The following FBLN1 variants were observed in gnomAD, a reference collection of about 807,000 sequenced individuals.
FBLN1 encodes the protein fibulin-1.
A neutral mutation model predicts 89.7 loss-of-function variants in FBLN1; 34 were observed. That is an observed-to-expected ratio of 0.38 (90% CI 0.29 to 0.50). The LOEUF (loss-of-function observed/expected upper bound fraction) is 0.50, where lower values mean the gene tolerates loss of function less well. Ranked by LOEUF, FBLN1 falls within the 20% of genes least tolerant of loss-of-function variation. The pLI, the probability that FBLN1 is intolerant of heterozygous loss-of-function variation, is 0.92. For synonymous variants in FBLN1, 393 were observed against 391.3 expected, an observed-to-expected ratio of 1.00 and a Z score of -0.05; for missense variants, 777 against 988.1, an observed-to-expected ratio of 0.79 and a Z score of 2.86.
chr22:45,567,177 C>T (rs878909532), intron 14 of FBLN1, among the ~76,000 whole-genome samples: 1 of 152,236 alleles, frequency 6.6e-6, no homozygotes, highest in Admixed American at 6.5e-5. Flanking sequence ...GAGGCAGCAT[C>T]CCTGGGATGA....
rs770973138 is a variant in FBLN1 at position 45,590,817 on chromosome 22, G to A, written c.1973-9490G>A. 6.6e-6 allele frequency among the ~76,000 whole-genome samples: 1 copy of A among 152,134 alleles called. No individual in the cohort carries two copies. Among genetic ancestry groups the A allele is most frequent in the Non-Finnish European group, 1.5e-5 (1 of 68,014 alleles). ...CCTGCCTGGAGAGTGAGGGGTAGGG[G>A]AGGAAGGGAAGTGGGTTTAAGGGAG... On this transcript the variant is annotated intron_variant, in intron 16 of 16. Transcript: ENST00000327858. This position sits in a 1 kb window ranked among gnomAD's most constrained non-coding sequence, Gnocchi z 4.1.
rs929085 is a variant in FBLN1 at position 45,588,278 on chromosome 22, T to C, written c.1972+11170T>C. Among the ~76,000 whole-genome samples the C allele has an allele frequency of 0.69, 104,857 of 152,050 alleles. 37,178 individuals carry two copies. Among genetic ancestry groups the C allele is most frequent in the African/African-American group, 0.84 (35,005 of 41,480 alleles). On this transcript the variant is annotated intron_variant, in intron 16 of 16. Transcript: ENST00000327858. The surrounding 1 kb of genome is among the most constrained non-coding windows in gnomAD (Gnocchi z 5.1). ...CCAGGCAGAGGGAATGGCAGAGTGC[T>C]GGAGTGGCCATGCCTGGGGAACTCC...
intron 12 of FBLN1, 81 bp from the exon 13 acceptor site, chr22:45,548,532 G>C: frequency 6.3e-7 from 1 of 1,589,674 alleles, no homozygotes; most frequent in Non-Finnish European, 8.6e-7. Flanking sequence ...CCCCAGTGCA[G>C]CCCCCAGGGC....
At position 45,569,297 on chromosome 22, in the gene FBLN1, G is replaced by T. The variant is rs1013207751; in HGVS notation, c.1698-5214G>T. Among the ~76,000 whole-genome samples, 3 of 152,322 alleles carry T rather than the reference G, an allele frequency of 2.0e-5. No homozygotes were observed. The East Asian group carries it at 5.8e-4, about 29-fold the overall frequency. On this transcript the variant is annotated intron_variant, in intron 14 of 16. Coordinates refer to ENST00000327858, the MANE Select transcript of FBLN1 (RefSeq NM_006486.3). ...ATTCAACGAGGTAATTAAGGTAAAAGTGAGATCATATGAATGGGCCCTAAT... is the reference window on the plus strand; with the variant it reads ...ATTCAACGAGGTAATTAAGGTAAAATTGAGATCATATGAATGGGCCCTAAT...
rs1489791020 is a variant in FBLN1, at chr22:45,574,976, G to C, written c.1840+323G>C. Among the ~76,000 whole-genome samples the C allele has an allele frequency of 6.6e-6, 1 of 151,900 alleles. No individual in the cohort carries two copies. Among genetic ancestry groups the C allele is most frequent in the African/African-American group, 2.4e-5 (1 of 41,360 alleles). The stretch of plus-strand genomic sequence containing the variant: ...TTTTTGTATTTTTAGTAAAGACGGG[G>C]TTTCACCGTGTTCGCCAGGATGGTC... On this transcript the variant is annotated intron_variant, in intron 15 of 16. Coordinates refer to ENST00000327858, the MANE Select transcript of FBLN1 (RefSeq NM_006486.3). This position sits in a 1 kb window ranked among gnomAD's most constrained non-coding sequence, Gnocchi z 4.1.
chr22:45,600,275 A>G, intron 16 of FBLN1, 32 bp from the exon 17 acceptor site: 1 of 1,614,094 alleles, frequency 6.2e-7, no homozygotes, highest in Non-Finnish European at 8.5e-7. Context: ...AGTCCCTTCT[A>G]ACTTCCAGCA....
At position 45,600,324 on chromosome 22, in the gene FBLN1, C is replaced by G. The variant is rs748201606; in HGVS notation, c.1990C>G (p.Arg664Gly). ...GMTVGVVRQV[R>G]PIVGPFHAVL... ...CTCCGCAGGTGTCGTGCGCCAGGTG[C>G]GGCCCATCGTGGGCCCATTTCATGC... Residue 664 changes from arginine (R) to glycine (G), a missense_variant, in exon 17 of 17, where the codon CGG becomes GGG. By Grantham distance (125) the Arg-to-Gly change is moderately radical. Transcript: ENST00000327858. The G allele has an allele frequency of 3.7e-6, 6 of 1,614,092 alleles. No homozygotes were observed. The Admixed American group carries it at 5.0e-5, about 13-fold the overall frequency.
At chr22:45,507,616 C>G (rs1036165699) in intron 1 of FBLN1, among the ~76,000 whole-genome samples, 1 of 151,016 alleles carries the variant, frequency 6.6e-6, no homozygotes, top group African/African-American at 2.4e-5. Flanking sequence ...TAACCTCCAC[C>G]TCCTGTATTC....
At chr22:45,507,066 A>T (rs2088031904) in intron 1 of FBLN1, among the ~76,000 whole-genome samples, 1 of 152,066 alleles carries the variant, frequency 6.6e-6, no homozygotes, top group African/African-American at 2.4e-5. Context: ...CACTGTGTCA[A>T]CTTCCCTGGG....
At chr22:45,569,135 T>A (rs974129574) in intron 14 of FBLN1, among the ~76,000 whole-genome samples, 9 of 152,190 alleles carry the variant, frequency 5.9e-5, no homozygotes, top group Non-Finnish European at 8.8e-5. Context: ...AACTTTGACA[T>A]CTTTCTTGGA....
intron 1 of FBLN1, among the ~76,000 whole-genome samples, chr22:45,513,617 C>T (rs2146943900): frequency 6.6e-6 from 1 of 152,294 alleles, no homozygotes; most frequent in African/African-American, 2.4e-5. Context: ...TATTCCCAAA[C>T]TGTTAAATAC....
chr22:45,569,437 G>A (rs1602216552), intron 14 of FBLN1, among the ~76,000 whole-genome samples: 2 of 152,214 alleles, frequency 1.3e-5, no homozygotes, highest in Middle Eastern at 3.4e-3. Flanking sequence ...TCAAGAGTTC[G>A]AGACCAGCCT....
chr22:45,570,376 A>G (rs1458089062), intron 14 of FBLN1, among the ~76,000 whole-genome samples: 15 of 150,708 alleles, frequency 1.0e-4, no homozygotes, highest in African/African-American at 3.4e-4. Context: ...GAAAAAGAAA[A>G]AAAGAAAGAA....
At chr22:45,585,335 C>T (rs958228421) in intron 16 of FBLN1, among the ~76,000 whole-genome samples, 3 of 152,214 alleles carry the variant, frequency 2.0e-5, no homozygotes, top group African/African-American at 7.2e-5. Flanking sequence ...TTGAGACCGT[C>T]CATTGTCCCA....
intron 1 of FBLN1, among the ~76,000 whole-genome samples, chr22:45,510,706 G>A (rs1028133523): frequency 5.9e-5 from 9 of 152,238 alleles, no homozygotes; most frequent in South Asian, 2.1e-4. Flanking sequence ...GAAAGAGCAC[G>A]TGGCCATATC....
intron 8 of FBLN1, 57 bp from the exon 9 acceptor site, chr22:45,541,172 G>C: frequency 6.2e-7 from 1 of 1,611,268 alleles, no homozygotes; most frequent in South Asian, 1.1e-5. Context: ...TCCAGTTTTT[G>C]GGTTCTGGGA....
intron 11 of FBLN1, among the ~76,000 whole-genome samples, chr22:45,546,727 T>G (rs1192404217): frequency 6.6e-6 from 1 of 152,178 alleles, no homozygotes; most frequent in African/African-American, 2.4e-5. Flanking sequence ...TGCCGTCATC[T>G]GTTTAGGATG....
At position 45,563,475 on chromosome 22, in the gene FBLN1, C is replaced by A; in HGVS notation, c.1698-11036C>A. On this transcript the variant is annotated intron_variant, in intron 14 of 16. Transcript: ENST00000327858. The surrounding 1 kb of genome is among the most constrained non-coding windows in gnomAD (Gnocchi z 5.7). ...GTACCCCCGAGGGCTGACTGAGGAG[C>A]GCTCCCCACTAGAGGGTGTGTGCTC... 2 of 1,054,520 alleles carry A rather than the reference C, an allele frequency of 1.9e-6. No individual in the cohort carries two copies. Among genetic ancestry groups the A allele is most frequent in the Non-Finnish European group, 2.7e-6 (2 of 746,138 alleles). The allele number at this position is 1,054,520 out of a possible 1,614,324, so 65.3% of individuals were successfully genotyped here.
At chr22:45,565,067 T>G in intron 14 of FBLN1, 1 of 1,603,714 alleles carries the variant, frequency 6.2e-7, no homozygotes. Context: ...CACGGGAGCA[T>G]GAGCCCTTTT....
Sources: allele counts gnomAD v4.1 joint callset (sites outside exome capture counted in the v4.1 genomes callset), GRCh38; gene constraint gnomAD v4.1.1; non-coding constraint Gnocchi (gnomAD v3.1); transcripts MANE v1.5; gene names NCBI Gene and HGNC (gene_info 2026-07-23, HGNC 2026-07-21).